VPS37A: variants seen among roughly 807,000 people sequenced by gnomAD.
VPS37A encodes vacuolar protein sorting-associated protein 37A.
A neutral mutation model predicts 49.8 loss-of-function variants in VPS37A; 30 were observed. The ratio of observed to expected loss-of-function variants is 0.60; its 90% CI spans 0.45 to 0.82. VPS37A has a LOEUF of 0.82. Ranked by LOEUF, VPS37A falls within the 40% of genes least tolerant of loss-of-function variation. The pLI is 0.00. For missense variants in VPS37A, 593 were observed against 464.4 expected (o/e 1.28, Z -2.55); for synonymous variants, 195 against 160.6 (o/e 1.21, Z -1.62).
chr8:17,267,467 TTG>T (rs10688047), intron 2 of VPS37A, among the ~76,000 whole-genome samples: 2 of 151,322 alleles, frequency 1.3e-5, no homozygotes, highest in African/African-American at 2.4e-5. Flanking sequence ...AAATTTCTGC[TTG>T]TGTGTGTGTG....
chr8:17,292,511 G>A (rs1816246714), intron 11 of VPS37A, among the ~76,000 whole-genome samples: 1 of 152,152 alleles, frequency 6.6e-6, no homozygotes. Flanking sequence ...TATGATGCTA[G>A]CTGGTTATTT....
intron 9 of VPS37A, 70 bp downstream of exon 9, chr8:17,280,513 T>G (rs1399369147): frequency 7.3e-7 from 1 of 1,364,628 alleles, no homozygotes; most frequent in African/African-American, 1.5e-5. Flanking sequence ...AGTCCTGATC[T>G]CACTTTCATT....
At chr8:17,277,586 T>C (rs562094777) in intron 6 of VPS37A, among the ~76,000 whole-genome samples, 1 of 152,126 alleles carries the variant, frequency 6.6e-6, no homozygotes, top group Non-Finnish European at 1.5e-5. Context: ...TAATACATCC[T>C]TTTTAACCCA....
chr8:17,273,021 T>TC (rs60422534), intron 4 of VPS37A, among the ~76,000 whole-genome samples: 1 of 122,222 alleles, frequency 8.2e-6, no homozygotes, highest in Non-Finnish European at 1.6e-5. Flanking sequence ...ATTTTGCCCT[T>TC]CCTTTTTTTT....
downstream of VPS37A, among the ~76,000 whole-genome samples, chr8:17,306,293 C>T (rs1433529793): frequency 6.6e-6 from 1 of 151,816 alleles, no homozygotes; most frequent in African/African-American, 2.4e-5. Flanking sequence ...ATAAATGTTG[C>T]ACTTTATGAG....
At position 17,247,334 on chromosome 8, in the gene VPS37A, G is replaced by C. The variant is rs1343395056; in HGVS notation, c.90G>C (p.Gln30His). The stretch of plus-strand genomic sequence containing the variant: ...TCACCAGCCTCCAGCAGCAGAAGCA[G>C]CGCCTGATCGAGTCCCTCCGGAACT... ...GGLTSLQQQK[Q>H]RLIESLRNSH... Residue 30 changes from glutamine to histidine, a missense_variant, in exon 1 of 12, where the codon CAG becomes CAC. Coordinates refer to ENST00000324849, the MANE Select transcript of VPS37A (RefSeq NM_152415.3). 1 of 1,555,882 alleles carries C rather than the reference G, an allele frequency of 6.4e-7. No individual in the cohort carries two copies. Among genetic ancestry groups the C allele is most frequent in the Non-Finnish European group, 8.7e-7 (1 of 1,150,324 alleles).
chr8:17,277,179 T>C (rs1358678914), intron 6 of VPS37A, among the ~76,000 whole-genome samples: 5 of 152,102 alleles, frequency 3.3e-5, no homozygotes, highest in African/African-American at 1.2e-4. Flanking sequence ...TGAGAAATTC[T>C]GTAGTTTAAA....
intron 1 of VPS37A, among the ~76,000 whole-genome samples, chr8:17,252,175 T>C (rs1260699601): frequency 2.0e-5 from 3 of 152,216 alleles, no homozygotes; most frequent in African/African-American, 7.2e-5. Flanking sequence ...GTTTCCTTTT[T>C]ATTTATTTAT....
chr8:17,316,194 A>AAC, the VPS37A span, among the ~76,000 whole-genome samples: 1 of 152,050 alleles, frequency 6.6e-6, no homozygotes, highest in Non-Finnish European at 1.5e-5. Flanking sequence ...TAAAATGGTA[A>AAC]TAATAGCCTC....
intron 1 of VPS37A, among the ~76,000 whole-genome samples, chr8:17,264,907 A>G (rs542962062): frequency 2.0e-5 from 3 of 152,352 alleles, no homozygotes; most frequent in South Asian, 2.1e-4. Context: ...GTAATAATAT[A>G]TGCCTGCAAA....
the VPS37A span, chr8:17,311,491 C>T: frequency 5.0e-6 from 8 of 1,613,870 alleles, no homozygotes; most frequent in East Asian, 2.2e-5. Context: ...CTGTGGGAAT[C>T]GCCCAGTGGC....
rs575944836 is a variant in VPS37A at position 17,266,859 on chromosome 8, G to A, written c.200+878G>A. 5.3e-4 allele frequency among the ~76,000 whole-genome samples: 81 copies of A among 152,142 alleles called. No homozygotes were observed. In the East Asian group the frequency reaches 0.014, roughly 26 times the overall value. On this transcript the variant is annotated intron_variant, in intron 2 of 11. Coordinates refer to ENST00000324849, the MANE Select transcript of VPS37A (RefSeq NM_152415.3). Reference sequence around the variant, plus strand: ...CACAATCTTGGCCACTGCAACCTCCGCCTCCCGGGTTCAAGCGATTCTCCT... The same window carrying A: ...CACAATCTTGGCCACTGCAACCTCCACCTCCCGGGTTCAAGCGATTCTCCT...
At chr8:17,282,704 T>C (rs1469341200) in intron 9 of VPS37A, among the ~76,000 whole-genome samples, 2 of 152,072 alleles carry the variant, frequency 1.3e-5, no homozygotes, top group East Asian at 1.9e-4. Context: ...AACATTCATA[T>C]AAGAATTGCT....
rs576708056 is a variant in VPS37A at position 17,278,192 on chromosome 8, T to A, written c.713+1725T>A. Among the ~76,000 whole-genome samples the A allele has an allele frequency of 4.5e-4, 68 of 152,208 alleles. 1 individual carries two copies. Among genetic ancestry groups the A allele is most frequent in the African/African-American group, 1.5e-3 (62 of 41,552 alleles). The stretch of plus-strand genomic sequence containing the variant: ...TATGTCATAATTACTGCATGCTTCT[T>A]TTTACATCCTATGAGGCAGCAGTGA... On this transcript the variant is annotated intron_variant, in intron 6 of 11. Coordinates refer to ENST00000324849, the MANE Select transcript of VPS37A (RefSeq NM_152415.3).
chr8:17,307,876 G>A, the VPS37A span, among the ~76,000 whole-genome samples: 9 of 151,246 alleles, frequency 6.0e-5, no homozygotes, highest in Non-Finnish European at 8.8e-5. Context: ...ATCACACACC[G>A]GGGACTGTTG....
At chr8:17,319,604 A>G in the VPS37A span, among the ~76,000 whole-genome samples, 1 of 152,230 alleles carries the variant, frequency 6.6e-6, no homozygotes, top group Non-Finnish European at 1.5e-5. Flanking sequence ...ACCAGACACT[A>G]TGCTTTATAT....
chr8:17,285,451 C>A (rs1815501605), intron 10 of VPS37A, among the ~76,000 whole-genome samples: 1 of 152,000 alleles, frequency 6.6e-6, no homozygotes, highest in African/African-American at 2.4e-5. Context: ...AAGAAAAATC[C>A]AAAAAAGTCT....
At position 17,268,946 on chromosome 8, in the gene VPS37A, G is replaced by A. The variant is rs751017450; in HGVS notation, c.406G>A (p.Ala136Thr). Reference protein sequence around the residue: ...NPPVLAPTSTAFPYLYSNPSG... With the variant: ...NPPVLAPTSTTFPYLYSNPSG... ...TCCAGTTTTAGCTCCTACTTCAACAGCATTTCCTTAGTAAGTATATTTCTA... is the reference window on the plus strand; with the variant it reads ...TCCAGTTTTAGCTCCTACTTCAACAACATTTCCTTAGTAAGTATATTTCTA... The change falls in exon 4 of 12, where the codon GCA becomes ACA. Residue 136 changes from alanine to threonine, a missense_variant. Physicochemically the swap from Ala to Thr is moderately conservative, Grantham distance 58. Coordinates refer to ENST00000324849, the MANE Select transcript of VPS37A (RefSeq NM_152415.3). 4.4e-6 allele frequency: 7 copies of A among 1,600,022 alleles called. No individual in the cohort carries two copies. The African/African-American group carries it at 9.4e-5, about 21-fold the overall frequency.
In VPS37A at chr8:17,263,428, G is replaced by A. The variant is rs180713080; in HGVS notation, c.126-2479G>A. On this transcript the variant is annotated intron_variant, in intron 1 of 11. Transcript: ENST00000324849. ...TCAAAATGCATTTCTAGATTGCCAT[G>A]ATTAACTTGTTTTGGAATTTGTTGA... is the stretch of plus-strand genomic sequence containing the variant. Among the ~76,000 whole-genome samples, 427 of 152,214 alleles carry A rather than the reference G, an allele frequency of 2.8e-3. 6 individuals carry two copies. The highest frequency in any genetic ancestry group is 4.7e-3 in the Non-Finnish European group (317 of 68,016).
Sources: gnomAD v4.1 joint callset for allele counts (sites outside exome capture counted in the v4.1 genomes callset) on GRCh38, gnomAD v4.1.1 for gene constraint, MANE v1.5 for transcripts, NCBI Gene and HGNC (gene_info 2026-07-23, HGNC 2026-07-21) for gene names.